IL1RL1: variants seen among roughly 807,000 people sequenced by gnomAD.
IL1RL1 encodes the protein interleukin-1 receptor-like 1.
In IL1RL1, 32 loss-of-function variants were observed where a neutral mutation model predicts 50.9. That is an observed-to-expected ratio of 0.63 (90% CI 0.47 to 0.84). IL1RL1 has a LOEUF of 0.84. Among genes scored for constraint, IL1RL1 ranks in the 40% least tolerant of loss-of-function variants. The pLI is 0.00. For synonymous variants in IL1RL1, 275 were observed against 236.0 expected, an observed-to-expected ratio of 1.17 and a Z score of -1.51; for missense variants, 773 against 662.9, an observed-to-expected ratio of 1.17 and a Z score of -1.82.
chr2:102,341,442 T>C (rs1051785534), intron 5 of IL1RL1: 1 of 680,098 alleles, frequency 1.5e-6, no homozygotes, highest in African/African-American at 2.0e-5. Flanking sequence ...TTCACAATCA[T>C]AGCTTATCAA....
chr2:102,325,039 G>A (rs1422066888), intron 1 of IL1RL1, among the ~76,000 whole-genome samples: 1 of 152,146 alleles, frequency 6.6e-6, no homozygotes, highest in African/African-American at 2.4e-5. Flanking sequence ...ATCTGAGAAC[G>A]GACAGACTGC....
chr2:102,320,051 A>C (rs1676792652), intron 1 of IL1RL1, among the ~76,000 whole-genome samples: 1 of 152,172 alleles, frequency 6.6e-6, no homozygotes, highest in Admixed American at 6.5e-5. Context: ...CTTTTAATAA[A>C]CTATAAGAAG....
chr2:102,325,181 A>T (rs1417144868), intron 1 of IL1RL1, among the ~76,000 whole-genome samples: 2 of 152,106 alleles, frequency 1.3e-5, no homozygotes, highest in African/African-American at 2.4e-5. Context: ...AGGCAGCAAC[A>T]TTTGCTGTTC....
chr2:102,320,717 T>A (rs1345384044), intron 1 of IL1RL1, among the ~76,000 whole-genome samples: 3 of 152,120 alleles, frequency 2.0e-5, no homozygotes, highest in Non-Finnish European at 4.4e-5. Flanking sequence ...ATCCTGTCCA[T>A]CAAGAAGTCC....
intron 1 of IL1RL1, among the ~76,000 whole-genome samples, chr2:102,331,500 A>G (rs1393310503): frequency 6.6e-6 from 1 of 152,204 alleles, no homozygotes; most frequent in African/African-American, 2.4e-5. Flanking sequence ...CATGGCCACC[A>G]GCCCATTTCT....
At chr2:102,315,366 C>G (rs13020553) in intron 1 of IL1RL1, among the ~76,000 whole-genome samples, 46,540 of 152,086 alleles carry the variant, frequency 0.31, 7,868 homozygotes, top group Middle Eastern at 0.52. Context: ...ATATCATGTA[C>G]CTTTTGCTGC....
At chr2:102,351,502 G>A in intron 10 of IL1RL1, 34 bp from the exon 11 acceptor site, 3 of 1,578,154 alleles carry the variant, frequency 1.9e-6, no homozygotes, top group Non-Finnish European at 2.6e-6. Context: ...GCATTAGACT[G>A]ATAAGAAATC....
chr2:102,345,913 G>A (rs1030483709), intron 8 of IL1RL1: 3 of 985,256 alleles, frequency 3.0e-6, no homozygotes, highest in Non-Finnish European at 3.6e-6. Context: ...GTGTACTCCT[G>A]CTTTGCTACG....
chr2:102,315,044 G>T (rs557923182), intron 1 of IL1RL1, among the ~76,000 whole-genome samples: 1 of 152,280 alleles, frequency 6.6e-6, no homozygotes, highest in East Asian at 1.9e-4. Context: ...GGTACTGCTA[G>T]TCTGACTTTT....
chr2:102,342,906 G>A (rs1361637926), intron 6 of IL1RL1, 130 bp from the exon 7 acceptor site: 2 of 798,170 alleles, frequency 2.5e-6, no homozygotes, highest in African/African-American at 3.5e-5. Context: ...GAAGGTGCTA[G>A]AGATGAGGGA....
In IL1RL1 at chr2:102,351,727, G is replaced by A; in HGVS notation, c.1477G>A (p.Ala493Thr). 3 of 1,614,084 alleles carry A rather than the reference G, an allele frequency of 1.9e-6. No individual in the cohort carries two copies. Among genetic ancestry groups the A allele is most frequent in the Non-Finnish European group, 2.5e-6 (3 of 1,179,998 alleles). Reference sequence around the variant, plus strand: ...TCTGAGCGAGCTGGACATGCTGCAGGCTGAGGCGCTTCAGGACTCCCTCCA... The same window carrying A: ...TCTGAGCGAGCTGGACATGCTGCAGACTGAGGCGCTTCAGGACTCCCTCCA... ...EALSELDMLQ[A>T]EALQDSLQHL... Residue 493 changes from alanine to threonine, a missense_variant, in exon 11 of 11, where the codon GCT becomes ACT. Coordinates refer to ENST00000233954, the MANE Select transcript of IL1RL1 (RefSeq NM_016232.5).
chr2:102,319,350 C>T (rs539644688), intron 1 of IL1RL1, among the ~76,000 whole-genome samples: 1 of 152,246 alleles, frequency 6.6e-6, no homozygotes, highest in Non-Finnish European at 1.5e-5. Flanking sequence ...AACAACTATG[C>T]TTTGATGGAA....
intron 1 of IL1RL1, among the ~76,000 whole-genome samples, chr2:102,315,006 T>C (rs1676635370): frequency 6.6e-6 from 1 of 152,212 alleles, no homozygotes; most frequent in African/African-American, 2.4e-5. Context: ...ACTTACAGTT[T>C]ATCTGCTTTC....
At chr2:102,313,134 C>T (rs1408865095) in intron 1 of IL1RL1, 1 of 152,128 alleles carries the variant, frequency 6.6e-6, no homozygotes, top group Non-Finnish European at 1.5e-5. Context: ...TTAAGCAACT[C>T]ATCTATGTCT....
At chr2:102,346,162 G>T in intron 8 of IL1RL1, 1 of 706,188 alleles carries the variant, frequency 1.4e-6, no homozygotes, top group Non-Finnish European at 1.7e-6. Flanking sequence ...GAATTTAAGA[G>T]AACAAAAACT....
At chr2:102,326,537 A>G (rs1327480532) in intron 1 of IL1RL1, among the ~76,000 whole-genome samples, 1 of 152,214 alleles carries the variant, frequency 6.6e-6, no homozygotes, top group Admixed American at 6.5e-5. Flanking sequence ...TAAGTGCTCC[A>G]ATTAAAAGAC....
At chr2:102,350,599 C>T (rs964936222) in intron 10 of IL1RL1, among the ~76,000 whole-genome samples, 6 of 152,268 alleles carry the variant, frequency 3.9e-5, no homozygotes, top group South Asian at 2.1e-4. Flanking sequence ...CATCAAAATC[C>T]TCTCTGCACC....
intron 6 of IL1RL1, 72 bp downstream of exon 6, chr2:102,342,366 C>T: frequency 9.3e-7 from 1 of 1,080,034 alleles, no homozygotes; most frequent in South Asian, 1.3e-5. Flanking sequence ...GTTCTGAATT[C>T]CCTTAGCAGG....
intron 1 of IL1RL1, among the ~76,000 whole-genome samples, chr2:102,335,664 T>C (rs1028479116): frequency 6.6e-6 from 1 of 152,204 alleles, no homozygotes; most frequent in Non-Finnish European, 1.5e-5. Context: ...TGATGGAAGC[T>C]TTATTTTTTA....
Sources: gnomAD v4.1 joint callset for allele counts (sites outside exome capture counted in the v4.1 genomes callset) on GRCh38, gnomAD v4.1.1 for gene constraint, MANE v1.5 for transcripts, NCBI Gene and HGNC (gene_info 2026-07-23, HGNC 2026-07-21) for gene names.